The following KDM5C variants were observed in gnomAD, a reference collection of about 807,000 sequenced individuals.
The protein encoded by KDM5C is lysine demethylase 5C.
A neutral mutation model predicts 110.6 loss-of-function variants in KDM5C; 16 were observed. That is an observed-to-expected ratio of 0.14 (90% CI 0.10 to 0.22). The LOEUF (loss-of-function observed/expected upper bound fraction) is 0.22. Among genes scored for constraint, KDM5C ranks in the 10% least tolerant of loss-of-function variants. KDM5C has a pLI of 1.00. For synonymous variants in KDM5C, 511 were observed against 520.4 expected, an observed-to-expected ratio of 0.98 and a Z score of 0.24; for missense variants, 681 against 1,300.9, an observed-to-expected ratio of 0.52 and a Z score of 7.33.
At chrX:53,193,670 C>T (rs1287922700) in intron 24 of KDM5C, 34 bp from the exon 25 acceptor site, 3 of 1,196,482 alleles carry the variant, frequency 2.5e-6, no homozygotes, top group Non-Finnish European at 3.4e-6. Context: ...GCATTAGAGG[C>T]TGCCCTTGGT....
In KDM5C at chrX:53,224,910, C is replaced by A. The variant is rs1332516449; in HGVS notation, c.-21G>T. On this transcript the variant is annotated 5_prime_UTR_variant, in exon 1 of 26. Transcript: ENST00000375401. ...TCCATGGTGGGCCCGAGGTCTGGGC[C>A]AGGGATCGGGAGGCTTGGACCGCCC... is the stretch of plus-strand genomic sequence containing the variant. 5.0e-6 allele frequency: 6 copies of A among 1,195,099 alleles called. No homozygotes were observed. The highest frequency in any genetic ancestry group is 6.8e-6 in the Non-Finnish European group (6 of 886,408).
In KDM5C at chrX:53,192,958, C is replaced by T. The variant is rs1449219860; in HGVS notation, c.*9G>A. The T allele has an allele frequency of 8.9e-7, 1 of 1,118,194 alleles. No homozygotes were observed. The highest frequency in any genetic ancestry group is 1.2e-6 in the Non-Finnish European group (1 of 844,704). 92.2% of individuals were successfully genotyped at this position (1,118,194 alleles called of 1,213,427 possible). A position where few individuals can be genotyped will look rare whatever the true frequency, so the allele number is the denominator to read the frequency against. ...TCTCTGTCAGGGTCTGTGCTAGGCT[C>T]AGCCACTGTCACAACTGTTGCTGAG... On this transcript the variant is annotated 3_prime_UTR_variant, in exon 26 of 26. Transcript: ENST00000375401.
Position 53,210,580 on chromosome X carries a change from C to T in KDM5C, c.1584-4G>A. The T allele has an allele frequency of 7.4e-6, 9 of 1,212,043 alleles. No homozygotes were observed. The highest frequency in any genetic ancestry group is 1.0e-5 in the Non-Finnish European group (9 of 895,571). On this transcript the variant is annotated splice_polypyrimidine_tract_variant and splice_region_variant and intron_variant, in intron 11 of 25. Coordinates refer to ENST00000375401, the MANE Select transcript of KDM5C (RefSeq NM_004187.5). ...ATACCAGGTCTTCGGCTCACCCCTG[C>T]ACAAGTGGAAAAGGGACACACACAG...
chrX:53,211,897 G>A lies in KDM5C; in HGVS notation c.1132C>T (p.Arg378Trp), dbSNP rs782110533. 2 of 1,210,399 alleles carry A rather than the reference G, an allele frequency of 1.7e-6. No homozygotes were observed. Among genetic ancestry groups the A allele is most frequent in the Non-Finnish European group, 2.2e-6 (2 of 894,753 alleles). ...TCAAAGCCAAAGGCTTCTGGGGGCC[G>A]CTTACACTCCTGAAACCCAAAGGAG... ...CPKCVMAECK[R>W]PPEAFGFEQA... Residue 378 changes from arginine to tryptophan, a missense_variant, in exon 9 of 26, where the codon CGG (arginine) becomes TGG (tryptophan). By Grantham distance (101) the Arg-to-Trp change is moderately radical. This residue lies in a region of KDM5C where 71 missense variants were observed against 115.0 expected (regional missense o/e 0.62). Transcript: ENST00000375401.
chrX:53,194,813 C>G, intron 22 of KDM5C, 75 bp from the exon 23 acceptor site: 2 of 1,194,821 alleles, frequency 1.7e-6, no homozygotes, highest in Non-Finnish European at 2.3e-6. Flanking sequence ...CCTTAACACC[C>G]CCACTCCCAA....
chrX:53,208,759 C>T (rs1254726898), intron 12 of KDM5C, among the ~76,000 whole-genome samples: 42 of 104,760 alleles, frequency 4.0e-4, no homozygotes, highest in African/African-American at 1.5e-3. Flanking sequence ...GCCGCCTCAG[C>T]CTCCCAAAGT....
intron 8 of KDM5C, among the ~76,000 whole-genome samples, chrX:53,213,334 T>C (rs1002173704): frequency 8.9e-6 from 1 of 112,130 alleles, no homozygotes; most frequent in Non-Finnish European, 1.9e-5. Flanking sequence ...CAATATGCAC[T>C]GCCCTGATTT....
chrX:53,181,504 C>T (rs1934047786), intron 25 of KDM5C, among the ~76,000 whole-genome samples: 1 of 109,595 alleles, frequency 9.1e-6, no homozygotes, highest in Non-Finnish European at 1.9e-5. Flanking sequence ...AAGATCCACC[C>T]GTATCATCTC....
At chrX:53,184,874 A>G (rs1934173768) in intron 25 of KDM5C, among the ~76,000 whole-genome samples, 1 of 112,166 alleles carries the variant, frequency 8.9e-6, no homozygotes, top group African/African-American at 3.2e-5. Context: ...TAGTTGAAGC[A>G]GCTAGGAGTA....
At chrX:53,190,208 G>A (rs1934361670), downstream of KDM5C, among the ~76,000 whole-genome samples, 1 of 112,574 alleles carries the variant, frequency 8.9e-6, no homozygotes, top group Admixed American at 9.3e-5. Flanking sequence ...ACCAGAGAAA[G>A]CTCTCTGGAA....
At chrX:53,199,831 C>T (rs1340239231) in intron 14 of KDM5C, among the ~76,000 whole-genome samples, 2 of 111,541 alleles carry the variant, frequency 1.8e-5, no homozygotes, top group African/African-American at 6.5e-5. Flanking sequence ...ATCTAATGGG[C>T]AATTTTAGGG....
downstream of KDM5C, among the ~76,000 whole-genome samples, chrX:53,188,207 G>C (rs1556828734): frequency 9.0e-6 from 1 of 110,893 alleles, no homozygotes; most frequent in Admixed American, 9.6e-5. Context: ...GAGAGACTTT[G>C]GGAAGTGGTG....
chrX:53,221,022 T>G, intron 1 of KDM5C, 106 bp from the exon 2 acceptor site: 1 of 657,145 alleles, frequency 1.5e-6, no homozygotes, highest in Non-Finnish European at 2.5e-6. Flanking sequence ...CCCAAACCTC[T>G]AGCCACTCCA....
chrX:53,221,036 C>T, intron 1 of KDM5C, 120 bp from the exon 2 acceptor site: 1 of 591,589 alleles, frequency 1.7e-6, no homozygotes, highest in Non-Finnish European at 2.9e-6. Flanking sequence ...CACTCCAGAC[C>T]CTTTAACCTG....
intron 25 of KDM5C, among the ~76,000 whole-genome samples, chrX:53,180,790 G>A (rs1474400570): frequency 4.4e-5 from 4 of 89,961 alleles, no homozygotes; most frequent in African/African-American, 1.2e-4. Context: ...GCAGTGGCGC[G>A]ATCTCGGCTC....
chrX:53,222,098 T>C (rs2073913008), intron 1 of KDM5C, among the ~76,000 whole-genome samples: 1 of 110,831 alleles, frequency 9.0e-6, no homozygotes, highest in Non-Finnish European at 1.9e-5. Flanking sequence ...GCTGAGTTAG[T>C]GGTGGGGCCA....
rs2073044134 is a variant in KDM5C, at chrX:53,198,623, T to G, written c.2383A>C (p.Arg795=). 8.3e-7 allele frequency: 1 copy of G among 1,210,239 alleles called. No individual in the cohort carries two copies. The highest frequency in any genetic ancestry group is 1.8e-5 in the South Asian group (1 of 56,831). ...TCACGGGCTTCAGACTCTAGTGCCC[T>G]CAGTTCTTCAAGGCCTGGAAGAAAA... ...DGRKRSLEEL[R]ALESEARERR... The change falls in exon 17 of 26, where the codon AGG becomes CGG. Residue 795 remains arginine, a synonymous_variant. Coordinates refer to ENST00000375401, the MANE Select transcript of KDM5C (RefSeq NM_004187.5).
At position 53,198,404 on chromosome X, in the gene KDM5C, A is replaced by G. The variant is rs2073031351; in HGVS notation, c.2516+86T>C. 3 of 1,073,700 alleles carry G rather than the reference A, an allele frequency of 2.8e-6. No homozygotes were observed. The Admixed American group carries it at 7.8e-5, about 28-fold the overall frequency. The allele number at this position is 1,073,700 out of a possible 1,213,427, so 88.5% of individuals were successfully genotyped here. ...GCTGATGTCCATTCTGCCAAATGGT[A>G]TTCACAGTCTACCCCTTGCAGCACT... is the stretch of plus-strand genomic sequence containing the variant. On this transcript the variant is annotated intron_variant, in intron 17 of 25. Transcript: ENST00000375401.
rs1556834119 is a variant in KDM5C at position 53,194,387 on chromosome X, C to A, written c.3790G>T (p.Ala1264Ser). 3.3e-6 allele frequency: 4 copies of A among 1,211,942 alleles called. No individual in the cohort carries two copies. The highest frequency in any genetic ancestry group is 4.5e-6 in the Non-Finnish European group (4 of 895,332). Residue 1264 changes from alanine to serine, a missense_variant, in exon 23 of 26, where the codon GCC (alanine) becomes TCC (serine). By Grantham distance (99) the Ala-to-Ser change is moderately conservative. Transcript: ENST00000375401. Reference protein sequence around the residue: ...RLETILALLVALQRLPVRLPE... With the variant: ...RLETILALLVSLQRLPVRLPE... The stretch of plus-strand genomic sequence containing the variant: ...AGCCGCACAGGCAGTCTCTGCAGGG[C>A]TACCAGCAGTGCCAGGATGGTCTCC...
Sources: allele counts gnomAD v4.1 joint callset (sites outside exome capture counted in the v4.1 genomes callset), GRCh38; gene constraint gnomAD v4.1.1; regional missense constraint gnomAD v4.1.1; transcripts MANE v1.5; gene names NCBI Gene and HGNC (gene_info 2026-07-23, HGNC 2026-07-21).